FAT3: variants seen among roughly 807,000 people sequenced by gnomAD.
The protein encoded by FAT3 is FAT atypical cadherin 3, also known as protocadherin Fat 3.
A neutral mutation model predicts 310.2 loss-of-function variants in FAT3; 95 were observed. The ratio of observed to expected loss-of-function variants is 0.31; its 90% CI spans 0.26 to 0.36. The LOEUF is 0.36. FAT3 is among the 10% of genes least tolerant of loss of function. FAT3 has a pLI of 1.00. For synonymous variants in FAT3, 2,314 were observed against 2,192.9 expected (o/e 1.06, Z -1.54); for missense variants, 5,408 against 5,715.6 (o/e 0.95, Z 1.74).
chr11:92,670,157 C>T (rs1302388627), intron 3 of FAT3, among the ~76,000 whole-genome samples: 1 of 152,220 alleles, frequency 6.6e-6, no homozygotes, highest in Non-Finnish European at 1.5e-5. Flanking sequence ...CCGGAGATGG[C>T]TGCTGTTCCT....
At chr11:92,355,789 G>C (rs1005990417) in intron 2 of FAT3, among the ~76,000 whole-genome samples, 5 of 152,186 alleles carry the variant, frequency 3.3e-5, no homozygotes, top group African/African-American at 1.2e-4. Context: ...AGTGTGAAAT[G>C]GATTTTCAAA....
At chr11:92,827,789 C>T (rs1172586552) in intron 13 of FAT3, among the ~76,000 whole-genome samples, 1 of 152,184 alleles carries the variant, frequency 6.6e-6, no homozygotes, top group Non-Finnish European at 1.5e-5. Flanking sequence ...CAAATTGCCA[C>T]TACCTATTAC....
rs1418727516 is a variant in FAT3 at position 92,831,359 on chromosome 11, T to TG, written c.9482-257dup. ...CCTCACAGTTTTTCTTAAAGATTTGTGGGGGGCGAGTTGTATATTAAGAAT... is the reference window on the plus strand; with the variant it reads ...CCTCACAGTTTTTCTTAAAGATTTGTGGGGGGGCGAGTTGTATATTAAGAAT... On this transcript the variant is annotated intron_variant, in intron 13 of 27. Coordinates refer to ENST00000525166, the MANE Select transcript of FAT3 (RefSeq NM_001367949.2). Among the ~76,000 whole-genome samples, 20 of 152,170 alleles carry TG rather than the reference T, an allele frequency of 1.3e-4. 1 individual carries two copies. The highest frequency in any genetic ancestry group is 1.3e-3 in the Admixed American group (20 of 15,262).
rs1165430643 is a variant in FAT3, at chr11:92,883,326, C to T, written c.12870C>T (p.Pro4290=). 6.2e-7 allele frequency: 1 copy of T among 1,611,398 alleles called. No homozygotes were observed. The highest frequency in any genetic ancestry group is 8.5e-7 in the Non-Finnish European group (1 of 1,179,230). Residue 4290 remains proline (P), a synonymous_variant, in exon 24 of 28, where the codon CCC becomes CCT. Transcript: ENST00000525166. The surrounding 1 kb of genome is among the most constrained non-coding windows in gnomAD (Gnocchi z 4.2). The part of the protein sequence containing the change: ...VVVCSVAPNL[P]AVSPCRSDCD... ...TGTGCAGTGTGGCCCCCAACCTCCCCGCCGTGTCACCCTGCCGCTCCGACT... is the reference window on the plus strand; with the variant it reads ...TGTGCAGTGTGGCCCCCAACCTCCCTGCCGTGTCACCCTGCCGCTCCGACT...
chr11:92,536,467 G>A (rs1954262841), intron 3 of FAT3, among the ~76,000 whole-genome samples: 1 of 152,128 alleles, frequency 6.6e-6, no homozygotes, highest in South Asian at 2.1e-4. Context: ...CTGAGCTTCA[G>A]TTTACTCTGT....
Position 92,352,382 on chromosome 11 carries a change from C to T in FAT3, c.270C>T (p.Gly90=). Residue 90 remains glycine, a synonymous_variant, in exon 2 of 28, where the codon GGC becomes GGT. Coordinates refer to ENST00000525166, the MANE Select transcript of FAT3 (RefSeq NM_001367949.2). ...KYRIVSGDEE[G]FFKAEEVIIA... ...GAATAGTGTCCGGAGACGAGGAAGGCTTTTTCAAAGCAGAGGAAGTCATCA... is the reference window on the plus strand; with the variant it reads ...GAATAGTGTCCGGAGACGAGGAAGGTTTTTTCAAAGCAGAGGAAGTCATCA... 6.2e-7 allele frequency: 1 copy of T among 1,609,460 alleles called. No homozygotes were observed. The highest frequency in any genetic ancestry group is 8.5e-7 in the Non-Finnish European group (1 of 1,177,568).
In FAT3 at chr11:92,883,266, G is replaced by A. The variant is rs768838868; in HGVS notation, c.12810G>A (p.Ser4270=). 1 of 1,612,804 alleles carries A rather than the reference G, an allele frequency of 6.2e-7. No individual in the cohort carries two copies. Among genetic ancestry groups the A allele is most frequent in the Non-Finnish European group, 8.5e-7 (1 of 1,179,828 alleles). The part of the protein sequence containing the change: ...HQEMTTFHPE[S]PRILTARRGV... The stretch of plus-strand genomic sequence containing the variant: ...AAATGACCACGTTTCACCCTGAGTC[G>A]CCCCGCATCCTGACAGCCCGGCGGG... Residue 4270 remains serine (S), a synonymous_variant, in exon 24 of 28, where the codon TCG becomes TCA. Coordinates refer to ENST00000525166, the MANE Select transcript of FAT3 (RefSeq NM_001367949.2). The surrounding 1 kb of genome is among the most constrained non-coding windows in gnomAD (Gnocchi z 4.2).
At chr11:92,780,062 A>G (rs540436438) in intron 7 of FAT3, among the ~76,000 whole-genome samples, 8 of 152,154 alleles carry the variant, frequency 5.3e-5, no homozygotes, top group Middle Eastern at 3.4e-3. Context: ...AGAAAGAAAC[A>G]CATCCATGCC....
intron 4 of FAT3, among the ~76,000 whole-genome samples, chr11:92,750,410 G>A (rs1397313140): frequency 6.6e-6 from 1 of 152,150 alleles, no homozygotes; most frequent in Non-Finnish European, 1.5e-5. Context: ...AAAGATTTTA[G>A]TTGGCTTTTA....
intron 21 of FAT3, 76 bp from the exon 22 acceptor site, chr11:92,866,665 C>T (rs1241504903): frequency 6.7e-6 from 9 of 1,339,204 alleles, no homozygotes; most frequent in African/African-American, 1.5e-5. Flanking sequence ...GCCCCCGGGC[C>T]GGCCAGGAGC....
chr11:92,679,841 CAAAAAAAAAA>C (rs71064721), intron 3 of FAT3, among the ~76,000 whole-genome samples: 4 of 57,252 alleles, frequency 7.0e-5, no homozygotes, highest in Non-Finnish European at 9.9e-5. Flanking sequence ...GACTCCATCT[CAAAAAAAAAA>C]AAAAAAAAAA....
At chr11:92,630,605 AG>A (rs1040281977) in intron 3 of FAT3, among the ~76,000 whole-genome samples, 1 of 152,226 alleles carries the variant, frequency 6.6e-6, no homozygotes, top group Non-Finnish European at 1.5e-5. Flanking sequence ...CTGTCAACCA[AG>A]CTAAAAACCT....
chr11:92,698,915 G>A (rs572431072), intron 4 of FAT3, among the ~76,000 whole-genome samples: 48 of 152,286 alleles, frequency 3.2e-4, no homozygotes, highest in South Asian at 2.7e-3. Flanking sequence ...TATCTGAGGA[G>A]TCTGGCTGAG....
intron 2 of FAT3, among the ~76,000 whole-genome samples, chr11:92,363,395 A>G (rs945473576): frequency 6.6e-6 from 1 of 152,324 alleles, no homozygotes; most frequent in African/African-American, 2.4e-5. Context: ...ATTAATTCCT[A>G]TAGTAGCATA....
At chr11:92,574,148 G>A (rs1315119784) in intron 3 of FAT3, among the ~76,000 whole-genome samples, 2 of 152,172 alleles carry the variant, frequency 1.3e-5, no homozygotes, top group African/African-American at 4.8e-5. Context: ...GATGAAGCTG[G>A]TTGTCACAGT....
intron 2 of FAT3, among the ~76,000 whole-genome samples, chr11:92,382,591 T>C (rs746465566): frequency 6.6e-6 from 1 of 152,148 alleles, no homozygotes; most frequent in African/African-American, 2.4e-5. Context: ...TTAATCCTTC[T>C]GCCACCATCT....
intron 3 of FAT3, among the ~76,000 whole-genome samples, chr11:92,674,443 C>G (rs965952332): frequency 3.3e-4 from 50 of 151,938 alleles, no homozygotes; most frequent in African/African-American, 1.1e-3. Context: ...TAACTACTCC[C>G]TCTTTTCCCC....
chr11:92,645,118 T>G (rs1378781208), intron 3 of FAT3, among the ~76,000 whole-genome samples: 1 of 152,212 alleles, frequency 6.6e-6, no homozygotes, highest in Non-Finnish European at 1.5e-5. Flanking sequence ...AAAGAACAAT[T>G]CTTAAAATGT....
intron 4 of FAT3, among the ~76,000 whole-genome samples, chr11:92,703,860 G>C (rs1309098738): frequency 6.6e-6 from 1 of 152,208 alleles, no homozygotes; most frequent in Non-Finnish European, 1.5e-5. Flanking sequence ...TGCAGATCAA[G>C]TAGGGAGCTA....
Sources: gnomAD v4.1 joint callset for allele counts (sites outside exome capture counted in the v4.1 genomes callset) on GRCh38, gnomAD v4.1.1 for gene constraint, Gnocchi (gnomAD v3.1) non-coding constraint, MANE v1.5 for transcripts, NCBI Gene and HGNC (gene_info 2026-07-23, HGNC 2026-07-21) for gene names.